MYH16: variants seen among roughly 807,000 people sequenced by gnomAD.
MYH16 encodes the protein putative uncharacterized protein MYH16.
intron 3 of MYH16, among the ~76,000 whole-genome samples, chr7:99,248,597 T>C (rs1415694086): frequency 6.6e-6 from 1 of 152,144 alleles, no homozygotes; most frequent in Non-Finnish European, 1.5e-5. Context: ...GGTTTCACCA[T>C]CTTGCCTAGG....
intron 36 of MYH16, among the ~76,000 whole-genome samples, chr7:99,298,598 T>C (rs565106700): frequency 1.4e-4 from 22 of 152,340 alleles, no homozygotes; most frequent in Non-Finnish European, 3.1e-4. Context: ...TGTTATGTGG[T>C]TACTGGCTGT....
At position 99,297,816 on chromosome 7, in the gene MYH16, C is replaced by G. The variant is rs773044226; in HGVS notation, n.4636+20C>G. 1.5e-4 allele frequency: 70 copies of G among 456,546 alleles called. No homozygotes were observed. The highest frequency in any genetic ancestry group is 1.2e-3 in the African/African-American group (62 of 50,062). 28.3% of individuals were successfully genotyped at this position (456,546 alleles called of 1,614,324 possible). ...CTGGAGGTAACCATGGGGTCATCAC[C>G]TTGGGGACTGTGGACCCTTGGCCAG... is the stretch of plus-strand genomic sequence containing the variant. On this transcript the variant is annotated intron_variant and non_coding_transcript_variant, in intron 35 of 41. Coordinates refer to ENST00000439784, the Ensembl canonical transcript of MYH16.
At chr7:99,277,914 TGTGAGAGA>T (rs1406872335) in intron 21 of MYH16, among the ~76,000 whole-genome samples, 1 of 131,468 alleles carries the variant, frequency 7.6e-6, no homozygotes, top group African/African-American at 3.2e-5. Flanking sequence ...TGTGTGTGTG[TGTGAGAGA>T]GAGAGAGAGA....
chr7:99,251,809 T>C (rs1482105200), intron 6 of MYH16, among the ~76,000 whole-genome samples: 1 of 152,048 alleles, frequency 6.6e-6, no homozygotes. Context: ...CCGCCATCTC[T>C]ATAAAAAATA....
chr7:99,260,538 C>G (rs562672060), intron 12 of MYH16: 2 of 313,922 alleles, frequency 6.4e-6, no homozygotes, highest in South Asian at 7.4e-5. Flanking sequence ...TGCATGCCAC[C>G]ATTCATTGGA....
At chr7:99,283,381 C>G (rs1021011559) in intron 23 of MYH16, among the ~76,000 whole-genome samples, 184 bp from the exon 6 acceptor site, 3 of 152,220 alleles carry the variant, frequency 2.0e-5, no homozygotes, top group Non-Finnish European at 4.4e-5. Context: ...ATGGGTGGCT[C>G]TGGTCCATCT....
chr7:99,280,738 A>C (rs1468768772), intron 22 of MYH16, 138 bp from the exon 5 acceptor site: 1 of 141,356 alleles, frequency 7.1e-6, no homozygotes, highest in Non-Finnish European at 1.5e-5. Context: ...CTTCACCCCC[A>C]GGGTTCTGAC....
intron 37 of MYH16, 131 bp downstream of exon 18, chr7:99,299,789 G>C (rs1442257629): frequency 6.6e-6 from 1 of 152,086 alleles, no homozygotes; most frequent in Non-Finnish European, 1.5e-5. Context: ...TGGGGTGGCT[G>C]GCAGTCCAGG....
At chr7:99,247,759 G>T in intron 3 of MYH16, 1 of 161,582 alleles carries the variant, frequency 6.2e-6, no homozygotes, top group Non-Finnish European at 1.4e-5. Context: ...GGGTGCGTCG[G>T]GGTGGGCTCT....
rs542544102 is a variant in MYH16, at chr7:99,241,378, T to C, written n.211-1900T>C. ...AGGGTGGATCACCTGAGGTCAGGAGTTTGAGACCAGCCTGGCCAACATGGT... is the reference window on the plus strand; with the variant it reads ...AGGGTGGATCACCTGAGGTCAGGAGCTTGAGACCAGCCTGGCCAACATGGT... On this transcript the variant is annotated intron_variant and non_coding_transcript_variant, in intron 1 of 41. Transcript: ENST00000439784. 2.1e-4 allele frequency among the ~76,000 whole-genome samples: 32 copies of C among 151,774 alleles called. No individual in the cohort carries two copies. The East Asian group carries it at 6.0e-3, about 28-fold the overall frequency.
intron 23 of MYH16, among the ~76,000 whole-genome samples, chr7:99,281,283 A>G (rs1305066080): frequency 6.6e-6 from 1 of 152,092 alleles, no homozygotes; most frequent in Non-Finnish European, 1.5e-5. Context: ...TCATCTAGGC[A>G]TGGCAGCTCA....
chr7:99,242,330 G>C (rs1376823586), intron 1 of MYH16, among the ~76,000 whole-genome samples: 1 of 152,104 alleles, frequency 6.6e-6, no homozygotes, highest in African/African-American at 2.4e-5. Flanking sequence ...GGAGGGAGCA[G>C]GGGAATGTCT....
At chr7:99,248,275 T>C (rs1397171412) in intron 3 of MYH16, among the ~76,000 whole-genome samples, 3 of 152,166 alleles carry the variant, frequency 2.0e-5, no homozygotes, top group African/African-American at 7.2e-5. Context: ...CTAATTTTTG[T>C]ATTATTAGTA....
intron 37 of MYH16, among the ~76,000 whole-genome samples, chr7:99,300,294 A>ATAAACTAT (rs1792572403): frequency 6.6e-6 from 1 of 152,212 alleles, no homozygotes; most frequent in Non-Finnish European, 1.5e-5. Context: ...TTTACTTATT[A>ATAAACTAT]TAAACTATTT....
intron 34 of MYH16, among the ~76,000 whole-genome samples, chr7:99,297,310 G>T (rs532744407): frequency 6.6e-6 from 1 of 152,192 alleles, no homozygotes; most frequent in South Asian, 2.1e-4. Context: ...GCGGGCGCCT[G>T]TAGTCCCAGC....
rs538628639 is a variant in MYH16 at position 99,299,044 on chromosome 7, T to C, written n.4741-422T>C. On this transcript the variant is annotated intron_variant and non_coding_transcript_variant, in intron 36 of 41. Transcript: ENST00000439784. ...GAGTTTGAGATCAGCCTGGGCAACA[T>C]AGCAAAACCCCGCTCTACAAAAAAA... Among the ~76,000 whole-genome samples the C allele has an allele frequency of 2.0e-5, 3 of 147,650 alleles. No individual in the cohort carries two copies. The East Asian group carries it at 5.9e-4, about 29-fold the overall frequency.
exon 25 of MYH16, chr7:99,283,996 G>C (rs1340637944): frequency 4.4e-6 from 2 of 452,884 alleles, no homozygotes; most frequent in East Asian, 7.0e-5. Context: ...TTCCAAGCTG[G>C]ATCTCGAGGA....
At chr7:99,281,888 G>A (rs960210609) in intron 23 of MYH16, among the ~76,000 whole-genome samples, 3 of 151,960 alleles carry the variant, frequency 2.0e-5, no homozygotes, top group African/African-American at 7.3e-5. Flanking sequence ...TGCTGATACC[G>A]TGAATCCACA....
chr7:99,297,593 A>C, intron 34 of MYH16, 67 bp from the exon 16 acceptor site: 1 of 420,834 alleles, frequency 2.4e-6, no homozygotes, highest in Non-Finnish European at 4.8e-6. Context: ...CCAATGGAGG[A>C]ATGACGGTGC....
Sources: gnomAD v4.1 joint callset for allele counts (sites outside exome capture counted in the v4.1 genomes callset) on GRCh38, gnomAD v4.1.1 for gene constraint, MANE v1.5 for transcripts, NCBI Gene and HGNC (gene_info 2026-07-23, HGNC 2026-07-21) for gene names.